The following SLC17A8 variants were observed in gnomAD, a reference collection of about 807,000 sequenced individuals.
The protein encoded by SLC17A8 is solute carrier family 17 member 8.
SLC17A8 carries 31 observed loss-of-function variants against 58.0 expected under a neutral mutation model. The ratio of observed to expected loss-of-function variants is 0.53; its 90% CI spans 0.40 to 0.72. The LOEUF is 0.72. Ranked by LOEUF, SLC17A8 falls within the 30% of genes least tolerant of loss-of-function variation. The probability of loss-of-function intolerance (pLI) is 0.00; values close to 1 mark genes in which losing one functional copy is unlikely to be tolerated. For synonymous variants in SLC17A8, 228 were observed against 249.0 expected (o/e 0.92, Z 0.79); for missense variants, 655 against 727.8 (o/e 0.90, Z 1.15).
chr12:100,374,604 T>G (rs1277751206), intron 1 of SLC17A8, among the ~76,000 whole-genome samples: 2 of 152,124 alleles, frequency 1.3e-5, no homozygotes, highest in Non-Finnish European at 2.9e-5. Flanking sequence ...AGTGCAAGAC[T>G]CCGTCTCAAA....
chr12:100,392,718 T>C (rs1468602655), intron 3 of SLC17A8, among the ~76,000 whole-genome samples: 1 of 152,182 alleles, frequency 6.6e-6, no homozygotes, highest in Non-Finnish European at 1.5e-5. Context: ...CTGCTTGCTC[T>C]CTTTTCCCAG....
Position 100,402,592 on chromosome 12 carries a change from C to G in SLC17A8, c.904-4C>G. ...AAAAATATCATGGTATTTTTACTCC[C>G]TAGAAATTTAGTACCCCATGGAAAA... On this transcript the variant is annotated splice_region_variant and splice_polypyrimidine_tract_variant and intron_variant, in intron 7 of 11. Coordinates refer to ENST00000323346, the MANE Select transcript of SLC17A8 (RefSeq NM_139319.3). 6.2e-7 allele frequency: 1 copy of G among 1,613,774 alleles called. No homozygotes were observed. The highest frequency in any genetic ancestry group is 1.7e-5 in the Admixed American group (1 of 60,002).
At chr12:100,386,686 C>G (rs1416191855) in intron 2 of SLC17A8, among the ~76,000 whole-genome samples, 1 of 127,034 alleles carries the variant, frequency 7.9e-6, no homozygotes, top group Non-Finnish European at 1.6e-5. Flanking sequence ...GTGTATACCA[C>G]ATTTCCTTTT....
At chr12:100,360,413 T>C (rs889022568) in intron 1 of SLC17A8, among the ~76,000 whole-genome samples, 15 of 152,162 alleles carry the variant, frequency 9.9e-5, no homozygotes, top group Non-Finnish European at 1.9e-4. Context: ...AAAATCCCCA[T>C]GAAGAGGGGA....
intron 8 of SLC17A8, among the ~76,000 whole-genome samples, chr12:100,403,267 A>T (rs1218874851): frequency 6.7e-6 from 1 of 149,364 alleles, no homozygotes; most frequent in Non-Finnish European, 1.5e-5. Flanking sequence ...ACCTGAGGTT[A>T]GGACCAGCCT....
At chr12:100,412,087 G>A (rs1339887619) in intron 9 of SLC17A8, among the ~76,000 whole-genome samples, 1 of 152,080 alleles carries the variant, frequency 6.6e-6, no homozygotes, top group African/African-American at 2.4e-5. Flanking sequence ...ATATAGTAGA[G>A]TTTTAGTATT....
chr12:100,374,623 TAAAAC>T (rs556089860), intron 1 of SLC17A8, among the ~76,000 whole-genome samples: 11 of 152,154 alleles, frequency 7.2e-5, no homozygotes, highest in Admixed American at 4.6e-4. Context: ...AAAAAATAAA[TAAAAC>T]AAAACAAATC....
At position 100,357,355 on chromosome 12, in the gene SLC17A8, C is replaced by A. The variant is rs767382929; in HGVS notation, c.-37C>A. Reference sequence around the variant, plus strand: ...TGAGGAAGGATGACAGTTTTTGAGACTGACTGTTAACGGCTCAGAGGTGCC... The same window carrying A: ...TGAGGAAGGATGACAGTTTTTGAGAATGACTGTTAACGGCTCAGAGGTGCC... On this transcript the variant is annotated 5_prime_UTR_variant, in exon 1 of 12. In the 5' UTR this introduces an upstream ATG that the reference lacks. Transcript: ENST00000323346. 8.6e-7 allele frequency: 1 copy of A among 1,161,652 alleles called. No homozygotes were observed. Among genetic ancestry groups the A allele is most frequent in the Non-Finnish European group, 1.3e-6 (1 of 767,152 alleles). 72.0% of individuals were successfully genotyped at this position (1,161,652 alleles called of 1,614,324 possible).
Position 100,414,624 on chromosome 12 carries a change from T to C in SLC17A8, c.1297+1744T>C, listed in dbSNP as rs570661104. Among the ~76,000 whole-genome samples, 10 of 152,350 alleles carry C rather than the reference T, an allele frequency of 6.6e-5. No homozygotes were observed. In the East Asian group the frequency reaches 1.2e-3, roughly 18 times the overall value. On this transcript the variant is annotated intron_variant, in intron 10 of 11. Coordinates refer to ENST00000323346, the MANE Select transcript of SLC17A8 (RefSeq NM_139319.3). ...GCATTATTCTTAGCACTGGGGATAT[T>C]GCAGTGAATAAATGAAAGTGTCCAT...
chr12:100,410,548 C>T (rs781415464), intron 9 of SLC17A8: 46 of 151,232 alleles, frequency 3.0e-4, no homozygotes, highest in South Asian at 6.3e-4. Context: ...ATCCCAGCGA[C>T]GGGGGAGGCT....
chr12:100,359,062 A>ACATT (rs1952466843), intron 1 of SLC17A8, among the ~76,000 whole-genome samples: 1 of 152,060 alleles, frequency 6.6e-6, no homozygotes, highest in Non-Finnish European at 1.5e-5. Context: ...TTGAGCCCAG[A>ACATT]CATTCAAGGT....
At chr12:100,413,697 C>A (rs566425218) in intron 10 of SLC17A8, among the ~76,000 whole-genome samples, 1 of 152,118 alleles carries the variant, frequency 6.6e-6, no homozygotes, top group African/African-American at 2.4e-5. Flanking sequence ...GGTTACTGGC[C>A]GGGTGCGCTG....
At chr12:100,392,729 G>A (rs887361752) in intron 3 of SLC17A8, among the ~76,000 whole-genome samples, 2 of 152,110 alleles carry the variant, frequency 1.3e-5, no homozygotes, top group Admixed American at 1.3e-4. Flanking sequence ...CTTTTCCCAG[G>A]GCACCCTGAG....
chr12:100,385,182 G>A (rs936964750), intron 2 of SLC17A8, among the ~76,000 whole-genome samples: 5 of 151,626 alleles, frequency 3.3e-5, no homozygotes, highest in African/African-American at 1.2e-4. Context: ...GACACAGAGA[G>A]AGGGAGAGGC....
At chr12:100,417,642 G>C (rs770852088) in intron 10 of SLC17A8, among the ~76,000 whole-genome samples, 20 of 152,168 alleles carry the variant, frequency 1.3e-4, no homozygotes, top group Non-Finnish European at 2.6e-4. Context: ...GGGTAGGAGT[G>C]GGAATATTAT....
rs1484616755 is a variant in SLC17A8 at position 100,421,244 on chromosome 12, T to C, written c.*1085T>C. ...AAAGTTCTTCTGAAAGAATTTTCTA[T>C]TTTTAAAAAATGTATCTCTTTAGCC... On this transcript the variant is annotated 3_prime_UTR_variant, in exon 12 of 12. Coordinates refer to ENST00000323346, the MANE Select transcript of SLC17A8 (RefSeq NM_139319.3). 1 of 152,190 alleles carries C rather than the reference T, an allele frequency of 6.6e-6. No homozygotes were observed. The highest frequency in any genetic ancestry group is 1.5e-5 in the Non-Finnish European group (1 of 68,018). The allele number at this position is 152,190 out of a possible 1,614,324, so 9.4% of individuals were successfully genotyped here. A position where few individuals can be genotyped will look rare whatever the true frequency, so the allele number is the denominator to read the frequency against.
intron 2 of SLC17A8, among the ~76,000 whole-genome samples, chr12:100,390,167 G>A (rs534896210): frequency 1.6e-4 from 24 of 152,086 alleles, no homozygotes; most frequent in Middle Eastern, 3.4e-3. Context: ...GTCTCGCCAC[G>A]TTGCCCAGGC....
At chr12:100,408,907 T>C (rs1952845454) in intron 9 of SLC17A8, among the ~76,000 whole-genome samples, 3 of 152,298 alleles carry the variant, frequency 2.0e-5, no homozygotes, top group Non-Finnish European at 2.9e-5. Context: ...CAAGTAGCAA[T>C]GATATAAAGC....
At position 100,380,619 on chromosome 12, in the gene SLC17A8, A is replaced by G. The variant is rs949433300; in HGVS notation, c.102-82A>G. ...TCCTTTTTGTTTTTCATCTGCTGGT[A>G]CCTTTTTTCTTTTTGCTTAGTATAC... On this transcript the variant is annotated intron_variant, in intron 1 of 11. Coordinates refer to ENST00000323346, the MANE Select transcript of SLC17A8 (RefSeq NM_139319.3). The G allele has an allele frequency of 3.9e-6, 6 of 1,530,912 alleles. No homozygotes were observed. The African/African-American group carries it at 5.5e-5, about 14-fold the overall frequency. The allele number at this position is 1,530,912 out of a possible 1,614,324, so 94.8% of individuals were successfully genotyped here.
Sources: allele counts gnomAD v4.1 joint callset (sites outside exome capture counted in the v4.1 genomes callset), GRCh38; gene constraint gnomAD v4.1.1; transcripts MANE v1.5; gene names NCBI Gene and HGNC (gene_info 2026-07-23, HGNC 2026-07-21).